Variants in PDLIM5 observed in about 807,000 individuals in gnomAD.
PDLIM5 encodes the protein PDZ and LIM domain 5, also known as PDZ and LIM domain protein 5.
Under a neutral mutation model 64.2 loss-of-function variants are expected in PDLIM5, and 34 were observed. The ratio of observed to expected loss-of-function variants is 0.53; its 90% CI spans 0.40 to 0.71. The LOEUF is 0.71. Among genes scored for constraint, PDLIM5 ranks in the 30% least tolerant of loss-of-function variants. The pLI is 0.00. For synonymous variants in PDLIM5, 253 were observed against 269.1 expected, an observed-to-expected ratio of 0.94 and a Z score of 0.59; for missense variants, 683 against 733.6, an observed-to-expected ratio of 0.93 and a Z score of 0.80.
intron 2 of PDLIM5, among the ~76,000 whole-genome samples, chr4:94,488,733 G>A (rs1372462878): frequency 1.3e-5 from 2 of 152,184 alleles, no homozygotes; most frequent in East Asian, 3.9e-4. Flanking sequence ...CAGATCTTCA[G>A]CAATGCCAGT....
intron 8 of PDLIM5, among the ~76,000 whole-genome samples, chr4:94,631,197 C>CT (rs1740124794): frequency 6.6e-6 from 1 of 151,984 alleles, no homozygotes; most frequent in Non-Finnish European, 1.5e-5. Flanking sequence ...GCCACCACAC[C>CT]TGGCCACATT....
At chr4:94,653,060 C>T (rs13110828) in intron 9 of PDLIM5, among the ~76,000 whole-genome samples, 54,617 of 151,880 alleles carry the variant, frequency 0.36, 10,930 homozygotes, top group South Asian at 0.61. Context: ...TATGACTTCT[C>T]CTGTTAATAA....
chr4:94,593,820 T>C (rs1560728047), intron 7 of PDLIM5, among the ~76,000 whole-genome samples: 1 of 152,218 alleles, frequency 6.6e-6, no homozygotes, highest in Non-Finnish European at 1.5e-5. Context: ...AATCATTGAC[T>C]TGGACCCAAT....
rs115650786 is a variant in PDLIM5 at position 94,575,699 on chromosome 4, C to T, written c.375C>T (p.Tyr125=). The T allele has an allele frequency of 3.1e-6, 5 of 1,613,728 alleles. No homozygotes were observed. In the African/African-American group the frequency reaches 5.3e-5, roughly 17 times the overall value. Residue 125 remains tyrosine, a synonymous_variant, in exon 5 of 13, where the codon TAC becomes TAT. Transcript: ENST00000317968. ...TCACTTCCACAAACAACATGGCCTA[C>T]AATAAGGCACCACGGCCTTTTGGTT... ...SKVTSTNNMA[Y]NKAPRPFGSV...
At chr4:94,523,459 A>G (rs1360084994) in intron 2 of PDLIM5, among the ~76,000 whole-genome samples, 1 of 152,230 alleles carries the variant, frequency 6.6e-6, no homozygotes, top group Admixed American at 6.5e-5. Flanking sequence ...TTGCACAATA[A>G]AGAAATGGAG....
chr4:94,461,188 A>G (rs903219243), intron 2 of PDLIM5, among the ~76,000 whole-genome samples: 20 of 152,220 alleles, frequency 1.3e-4, no homozygotes, highest in Non-Finnish European at 5.9e-5. Flanking sequence ...ATCGTATGAG[A>G]GAGAATTATG....
Position 94,665,481 on chromosome 4 carries a change from T to TAAA in PDLIM5, c.*1437_*1439dup, listed in dbSNP as rs10706955. The TAAA allele has an allele frequency of 1.6e-4, 73 of 449,416 alleles. No homozygotes were observed. The highest frequency in any genetic ancestry group is 1.9e-4 in the Admixed American group (1 of 5,316). 27.8% of individuals were successfully genotyped at this position (449,416 alleles called of 1,614,324 possible). On this transcript the variant is annotated 3_prime_UTR_variant, in exon 13 of 13. Coordinates refer to ENST00000317968, the MANE Select transcript of PDLIM5 (RefSeq NM_006457.5). ...GGTGACAGAGCAAGACTCCGGCTCT[T>TAAA]AAAAAAAAAAAAAAAAAAAAAAAAA...
chr4:94,492,704 C>A (rs751655474), intron 2 of PDLIM5, among the ~76,000 whole-genome samples: 1 of 151,994 alleles, frequency 6.6e-6, no homozygotes, highest in African/African-American at 2.4e-5. Flanking sequence ...AGCATAATAC[C>A]GGTTTCTTAC....
At chr4:94,611,827 T>C (rs1738387828) in intron 7 of PDLIM5, among the ~76,000 whole-genome samples, 1 of 152,212 alleles carries the variant, frequency 6.6e-6, no homozygotes, top group African/African-American at 2.4e-5. Flanking sequence ...AGTGGCAAAG[T>C]GTACAACATA....
chr4:94,500,456 G>C (rs1467154827), intron 2 of PDLIM5, among the ~76,000 whole-genome samples: 1 of 152,132 alleles, frequency 6.6e-6, no homozygotes, highest in Non-Finnish European at 1.5e-5. Context: ...CCTCAGGAAA[G>C]TTTTATGTAA....
chr4:94,648,891 G>C, intron 9 of PDLIM5, among the ~76,000 whole-genome samples: 1 of 152,146 alleles, frequency 6.6e-6, no homozygotes, highest in African/African-American at 2.4e-5. Flanking sequence ...GGGTTTACCT[G>C]ATTAGGTCAG....
chr4:94,506,322 G>A (rs759886187), intron 2 of PDLIM5, among the ~76,000 whole-genome samples: 6 of 152,174 alleles, frequency 3.9e-5, no homozygotes, highest in Non-Finnish European at 8.8e-5. Flanking sequence ...TGTTCTTGAT[G>A]TCTCAGCTAA....
chr4:94,542,085 G>A (rs141565245), intron 3 of PDLIM5, among the ~76,000 whole-genome samples: 100 of 152,252 alleles, frequency 6.6e-4, no homozygotes, highest in African/African-American at 2.4e-3. Flanking sequence ...GCTGAGGTGG[G>A]CAGATCACCT....
At chr4:94,472,369 G>T (rs1361167032) in intron 2 of PDLIM5, among the ~76,000 whole-genome samples, 4 of 152,180 alleles carry the variant, frequency 2.6e-5, no homozygotes, top group Non-Finnish European at 4.4e-5. Context: ...TCTTTCCACA[G>T]TGATTGCCAT....
chr4:94,472,871 T>G (rs1725000513), intron 2 of PDLIM5, among the ~76,000 whole-genome samples: 1 of 152,206 alleles, frequency 6.6e-6, no homozygotes, highest in Non-Finnish European at 1.5e-5. Flanking sequence ...TATTGAACAT[T>G]TATTATATGC....
intron 11 of PDLIM5, 128 bp from the exon 12 acceptor site, chr4:94,662,294 T>C (rs1742796543): frequency 4.0e-6 from 2 of 497,006 alleles, no homozygotes. Context: ...TCCTGAAATT[T>C]TTCAAATTCC....
At chr4:94,627,760 G>A (rs1029456312) in intron 8 of PDLIM5, among the ~76,000 whole-genome samples, 1 of 152,156 alleles carries the variant, frequency 6.6e-6, no homozygotes, top group Non-Finnish European at 1.5e-5. Context: ...GTTTTCAAAC[G>A]CATGAATAAG....
At chr4:94,624,472 A>C (rs1157583991) in intron 8 of PDLIM5, among the ~76,000 whole-genome samples, 23 of 152,178 alleles carry the variant, frequency 1.5e-4, no homozygotes. Flanking sequence ...AAAAGGTGCA[A>C]AGAAGAGTCA....
intron 7 of PDLIM5, among the ~76,000 whole-genome samples, chr4:94,610,005 G>A (rs9992701): frequency 0.93 from 141,204 of 152,226 alleles, 66,311 homozygotes; most frequent in East Asian, 1. Flanking sequence ...TAGGAGCACA[G>A]ACTAAATGGC....
Sources: allele counts gnomAD v4.1 joint callset (sites outside exome capture counted in the v4.1 genomes callset), GRCh38; gene constraint gnomAD v4.1.1; transcripts MANE v1.5; gene names NCBI Gene and HGNC (gene_info 2026-07-23, HGNC 2026-07-21).